Variants in PPEF1 observed in about 807,000 individuals in gnomAD.
The protein encoded by PPEF1 is serine/threonine-protein phosphatase with EF-hands 1.
PPEF1 carries 12 observed loss-of-function variants against 53.3 expected under a neutral mutation model. The observed-to-expected ratio is 0.23, with a 90% CI of 0.14 to 0.36. The LOEUF (loss-of-function observed/expected upper bound fraction) is 0.36. Ranked by LOEUF, PPEF1 falls within the 10% of genes least tolerant of loss-of-function variation. The probability of loss-of-function intolerance (pLI) is 1.00; values close to 1 mark genes in which losing one functional copy is unlikely to be tolerated. For missense variants in PPEF1, 334 were observed against 490.4 expected, an observed-to-expected ratio of 0.68 and a Z score of 3.01; for synonymous variants, 165 against 176.7, an observed-to-expected ratio of 0.93 and a Z score of 0.52.
intron 10 of PPEF1, among the ~76,000 whole-genome samples, chrX:18,797,022 A>C (rs2147657334): frequency 9.0e-6 from 1 of 111,171 alleles, no homozygotes; most frequent in East Asian, 2.8e-4. Context: ...AGAGCCTCCC[A>C]CTCCCCAAAC....
At chrX:18,787,509 G>A (rs747290870) in intron 9 of PPEF1, among the ~76,000 whole-genome samples, 5 of 111,179 alleles carry the variant, frequency 4.5e-5, no homozygotes, top group African/African-American at 1.6e-4. Context: ...GAAAATGGTC[G>A]TGTAGTGCCT....
At chrX:18,715,358 A>G (rs1240934472) in intron 1 of PPEF1, among the ~76,000 whole-genome samples, 1 of 111,282 alleles carries the variant, frequency 9.0e-6, no homozygotes, top group East Asian at 2.9e-4. Context: ...ATGGTGAGAC[A>G]CTGTCTCTAC....
At chrX:18,701,907 T>C (rs1343716534) in intron 6 of PPEF1, among the ~76,000 whole-genome samples, 2 of 112,634 alleles carry the variant, frequency 1.8e-5, no homozygotes, top group East Asian at 2.8e-4. Flanking sequence ...ATGTCTGATA[T>C]ACCAGCAGAC....
chrX:18,719,529 T>C (rs2044535103), intron 1 of PPEF1, among the ~76,000 whole-genome samples: 1 of 109,648 alleles, frequency 9.1e-6, no homozygotes, highest in Admixed American at 9.8e-5. Flanking sequence ...ATAGTTTTTG[T>C]AGAGATGGGG....
At chrX:18,765,871 C>A (rs2045754657) in intron 6 of PPEF1, among the ~76,000 whole-genome samples, 1 of 109,374 alleles carries the variant, frequency 9.1e-6, no homozygotes. Context: ...CGAGACCAGC[C>A]TGGTCAACAT....
chrX:18,783,685 T>C (rs2046140896), intron 8 of PPEF1, among the ~76,000 whole-genome samples: 1 of 106,214 alleles, frequency 9.4e-6, no homozygotes, highest in Non-Finnish European at 1.9e-5. Context: ...GCCACTGCAC[T>C]CCAATGCGCA....
Position 18,822,401 on chromosome X carries a change from T to C in PPEF1, c.1502-1522T>C, listed in dbSNP as rs1418968668. Among the ~76,000 whole-genome samples the C allele has an allele frequency of 2.9e-4, 32 of 110,155 alleles. 2 individuals carry two copies. The highest frequency in any genetic ancestry group is 1.9e-5 in the Non-Finnish European group (1 of 52,823). ...TTGGAGCTAAGTAGGAATAAATTGA[T>C]AGCTGGGGTAGCCAGCAATTAGCTT... On this transcript the variant is annotated intron_variant, in intron 13 of 15. Transcript: ENST00000470157.
chrX:18,738,601 G>A (rs1420319865), intron 3 of PPEF1, among the ~76,000 whole-genome samples: 1 of 111,213 alleles, frequency 9.0e-6, no homozygotes, highest in African/African-American at 3.3e-5. Context: ...ACAATTATGT[G>A]TCTTGGAGTT....
At chrX:18,716,671 T>G (rs2044465376) in intron 1 of PPEF1, among the ~76,000 whole-genome samples, 1 of 110,801 alleles carries the variant, frequency 9.0e-6, no homozygotes, top group South Asian at 3.8e-4. Context: ...TTTGAGACCT[T>G]CATGGAAAAA....
Position 18,755,279 on chromosome X carries a change from G to A in PPEF1, c.397-2348G>A, listed in dbSNP as rs1213011426. ...GTGATCATTTAAATCATTTTAAAGT[G>A]TATGAGGCCGGGTGCAGTGGCTCAC... On this transcript the variant is annotated intron_variant, in intron 4 of 15. Transcript: ENST00000470157. 3.0e-4 allele frequency among the ~76,000 whole-genome samples: 33 copies of A among 111,620 alleles called. No homozygotes were observed. The Admixed American group carries it at 3.1e-3, about 11-fold the overall frequency.
At chrX:18,761,431 C>G in intron 5 of PPEF1, 99 bp from the exon 6 acceptor site, 1 of 737,415 alleles carries the variant, frequency 1.4e-6, no homozygotes, top group Non-Finnish European at 2.1e-6. Context: ...AAACCCAATG[C>G]CCTGAGAACA....
intron 6 of PPEF1, among the ~76,000 whole-genome samples, chrX:18,766,434 A>G (rs1473902572): frequency 1.8e-5 from 2 of 112,101 alleles, no homozygotes; most frequent in Non-Finnish European, 1.9e-5. Context: ...CTATATAAAT[A>G]TAAATGACAG....
At chrX:18,800,843 G>A (rs971807658) in intron 10 of PPEF1, among the ~76,000 whole-genome samples, 2 of 111,622 alleles carry the variant, frequency 1.8e-5, no homozygotes, top group African/African-American at 6.5e-5. Flanking sequence ...CTTGGATACT[G>A]AGGGGCAACT....
intron 8 of PPEF1, among the ~76,000 whole-genome samples, chrX:18,783,579 G>A (rs1204198917): frequency 1.8e-5 from 2 of 110,758 alleles, no homozygotes; most frequent in East Asian, 2.9e-4. Flanking sequence ...TTAGCCAGTC[G>A]TGGTGGCACA....
chrX:18,805,329 A>G (rs1461939391), intron 11 of PPEF1, among the ~76,000 whole-genome samples: 6 of 111,688 alleles, frequency 5.4e-5, no homozygotes, highest in Non-Finnish European at 1.1e-4. Flanking sequence ...ATAAAAATGG[A>G]CACCAAGTTG....
intron 10 of PPEF1, among the ~76,000 whole-genome samples, chrX:18,801,855 G>A (rs191282920): frequency 2.8e-5 from 3 of 108,168 alleles, no homozygotes; most frequent in Non-Finnish European, 5.8e-5. Flanking sequence ...GTTGTGGCGG[G>A]CCCTTGTAAT....
chrX:18,735,212 T>A (rs2044946109), intron 3 of PPEF1, among the ~76,000 whole-genome samples: 1 of 111,880 alleles, frequency 8.9e-6, no homozygotes, highest in African/African-American at 3.2e-5. Flanking sequence ...CATGCCTGTG[T>A]CCTGAATGGT....
chrX:18,707,911 C>T, intron 1 of PPEF1, 85 bp downstream of exon 1: 1 of 890,990 alleles, frequency 1.1e-6, no homozygotes, highest in Non-Finnish European at 1.6e-6. Flanking sequence ...TCATTTACTC[C>T]CACGATGCTC....
At chrX:18,820,283 GA>G (rs2047005565) in intron 13 of PPEF1, among the ~76,000 whole-genome samples, 3 of 111,334 alleles carry the variant, frequency 2.7e-5, no homozygotes, top group African/African-American at 9.8e-5. Flanking sequence ...AACAAAAATT[GA>G]CAGAATAAAA....
Sources: allele counts gnomAD v4.1 joint callset (sites outside exome capture counted in the v4.1 genomes callset), GRCh38; gene constraint gnomAD v4.1.1; transcripts MANE v1.5; gene names NCBI Gene and HGNC (gene_info 2026-07-23, HGNC 2026-07-21).